The following GRM1 variants were observed in gnomAD, a reference collection of about 807,000 sequenced individuals.
GRM1 encodes metabotropic glutamate receptor 1.
GRM1 carries 33 observed loss-of-function variants against 90.9 expected under a neutral mutation model. The observed-to-expected ratio is 0.36, with a 90% confidence interval of 0.28 to 0.49. The LOEUF (loss-of-function observed/expected upper bound fraction) is 0.49, where lower values mean the gene tolerates loss of function less well. GRM1 is among the 20% of genes least tolerant of loss of function. The probability of loss-of-function intolerance (pLI) is 0.99; values close to 1 mark genes in which losing one functional copy is unlikely to be tolerated. For synonymous variants in GRM1, 700 were observed against 613.2 expected (o/e 1.14, Z -2.09); for missense variants, 1,190 against 1,534.3 (o/e 0.78, Z 3.75).
At position 146,231,805 on chromosome 6, in the gene GRM1, A is replaced by G. The variant is rs572013932; in HGVS notation, c.950+72208A>G. ...TATTATTATTTGTATATATTATTGG[A>G]TTTTTATTTGCTTATAATTTATTGA... On this transcript the variant is annotated intron_variant, in intron 2 of 7. Transcript: ENST00000282753. Among the ~76,000 whole-genome samples the G allele has an allele frequency of 3.9e-5, 6 of 152,004 alleles. No individual in the cohort carries two copies. The South Asian group carries it at 1.2e-3, about 32-fold the overall frequency.
chr6:146,221,337 C>G (rs901051873), intron 2 of GRM1, among the ~76,000 whole-genome samples: 28 of 152,072 alleles, frequency 1.8e-4, no homozygotes, highest in African/African-American at 6.5e-4. Flanking sequence ...TAATGCTCTC[C>G]CTCCCTTAGC....
rs78256227 is a variant in GRM1 at position 146,415,995 on chromosome 6, T to C, written c.2660+16296T>C. Among the ~76,000 whole-genome samples, 631 of 152,350 alleles carry C rather than the reference T, an allele frequency of 4.1e-3. 2 individuals are homozygous for C. Among genetic ancestry groups the C allele is most frequent in the African/African-American group, 0.014 (590 of 41,582 alleles). On this transcript the variant is annotated intron_variant, in intron 7 of 7. Coordinates refer to ENST00000282753, the MANE Select transcript of GRM1 (RefSeq NM_001278064.2). ...AAACAGGGTCTACTTTGTCTGACAT[T>C]AGTATAACTACTAGCTTTTATTTTT...
chr6:146,199,959 C>T (rs958938957), intron 2 of GRM1, among the ~76,000 whole-genome samples: 3 of 151,990 alleles, frequency 2.0e-5, no homozygotes, highest in Non-Finnish European at 2.9e-5. Flanking sequence ...GAAGATTCGG[C>T]GAGCCAAAAT....
At chr6:146,160,926 G>A (rs147504742) in intron 2 of GRM1, among the ~76,000 whole-genome samples, 305 of 152,238 alleles carry the variant, frequency 2.0e-3, no homozygotes, top group African/African-American at 6.3e-3. Flanking sequence ...TCAACTTGGC[G>A]TCTTCAACAT....
chr6:146,318,734 T>A (rs1784066696), intron 3 of GRM1, among the ~76,000 whole-genome samples: 1 of 152,240 alleles, frequency 6.6e-6, no homozygotes, highest in South Asian at 2.1e-4. Flanking sequence ...AGGTTTTGAT[T>A]TGCATTTCTC....
In GRM1 at chr6:146,286,447, G is replaced by A. The variant is rs551683825; in HGVS notation, c.951-18164G>A. 5.3e-5 allele frequency among the ~76,000 whole-genome samples: 8 copies of A among 152,184 alleles called. No individual in the cohort carries two copies. In the South Asian group the frequency reaches 8.3e-4, roughly 16 times the overall value. ...AAAGTTAATTGATTAGATTAGATTG[G>A]ATTTAGATAGATTGCTAAAATGTCA... On this transcript the variant is annotated intron_variant, in intron 2 of 7. Coordinates refer to ENST00000282753, the MANE Select transcript of GRM1 (RefSeq NM_001278064.2).
At chr6:146,255,151 G>A (rs538555333) in intron 2 of GRM1, among the ~76,000 whole-genome samples, 2 of 152,246 alleles carry the variant, frequency 1.3e-5, no homozygotes, top group African/African-American at 4.8e-5. Flanking sequence ...GATTCCTGAG[G>A]CTAAGCACAC....
intron 2 of GRM1, among the ~76,000 whole-genome samples, chr6:146,255,426 A>T (rs1487096153): frequency 6.6e-6 from 1 of 152,080 alleles, no homozygotes; most frequent in Non-Finnish European, 1.5e-5. Context: ...CCCCTATCCC[A>T]TTTCCTAGGA....
intron 1 of GRM1, among the ~76,000 whole-genome samples, chr6:146,111,169 G>T (rs759170595): frequency 7.2e-5 from 11 of 152,096 alleles, no homozygotes; most frequent in Non-Finnish European, 1.0e-4. Context: ...CAACAAAATG[G>T]CTCCAGGCTC....
At position 146,357,518 on chromosome 6, in the gene GRM1, C is replaced by T. The variant is rs770859697; in HGVS notation, c.1434-8C>T. On this transcript the variant is annotated splice_polypyrimidine_tract_variant and splice_region_variant and intron_variant, in intron 4 of 7. Coordinates refer to ENST00000282753, the MANE Select transcript of GRM1 (RefSeq NM_001278064.2). ...TTCTATAAGACATGCACATTGTGCT[C>T]TTTGTAGGTATGATATCATGAATCT... The T allele has an allele frequency of 1.9e-6, 3 of 1,607,932 alleles. No individual in the cohort carries two copies. The highest frequency in any genetic ancestry group is 2.6e-6 in the Non-Finnish European group (3 of 1,174,572).
intron 2 of GRM1, among the ~76,000 whole-genome samples, chr6:146,223,318 G>A (rs2114682212): frequency 6.6e-6 from 1 of 152,178 alleles, no homozygotes; most frequent in Admixed American, 6.5e-5. Flanking sequence ...TTCCATCTAA[G>A]CCATATTTAT....
intron 2 of GRM1, among the ~76,000 whole-genome samples, chr6:146,192,334 G>A (rs1310760090): frequency 1.3e-5 from 2 of 152,154 alleles, no homozygotes; most frequent in Admixed American, 6.6e-5. Context: ...CATACATGGA[G>A]GAAAATGTTA....
intron 1 of GRM1, among the ~76,000 whole-genome samples, chr6:146,062,789 A>G (rs751306165): frequency 3.3e-5 from 5 of 152,048 alleles, no homozygotes; most frequent in South Asian, 2.1e-4. Context: ...TTTGTCTACA[A>G]TCTGCTCTTA....
chr6:146,315,656 T>G (rs959399339), intron 3 of GRM1, among the ~76,000 whole-genome samples: 2 of 152,142 alleles, frequency 1.3e-5, no homozygotes, highest in Admixed American at 1.3e-4. Context: ...ATCAGAATCT[T>G]TGGAGTGAGG....
intron 2 of GRM1, among the ~76,000 whole-genome samples, chr6:146,295,480 ACCTCAG>A (rs1184686467): frequency 1.3e-5 from 2 of 151,338 alleles, no homozygotes; most frequent in Non-Finnish European, 2.9e-5. Context: ...TGATCTGCAC[ACCTCAG>A]CCTCCCAAAG....
intron 2 of GRM1, among the ~76,000 whole-genome samples, chr6:146,300,542 C>T (rs1342082319): frequency 1.3e-5 from 2 of 152,128 alleles, no homozygotes; most frequent in Admixed American, 1.3e-4. Flanking sequence ...TAAGAATTCT[C>T]GTATGTTAGT....
rs773032202 is a variant in GRM1, at chr6:146,434,459, G to A, written c.3248G>A (p.Ser1083Asn). Residue 1083 changes from serine (S) to asparagine (N), a missense_variant, in exon 8 of 8, where the codon AGC becomes AAC. Around this residue, in one of 10 missense-constraint regions of GRM1, gnomAD observed 400 missense variants for 360.8 expected, o/e 1.11. Transcript: ENST00000282753. Reference protein sequence around the residue: ...QHLQMLPLQLSTFGEELVSPP... With the variant: ...QHLQMLPLQLNTFGEELVSPP... ...CTGCAGATGCTGCCGCTGCAGCTGA[G>A]CACCTTTGGGGAGGAGCTGGTCTCC... 6 of 1,613,938 alleles carry A rather than the reference G, an allele frequency of 3.7e-6. No homozygotes were observed. In the East Asian group the frequency reaches 8.9e-5, roughly 24 times the overall value.
intron 1 of GRM1, among the ~76,000 whole-genome samples, chr6:146,031,932 A>G (rs1790722471): frequency 6.6e-6 from 1 of 152,204 alleles, no homozygotes; most frequent in Non-Finnish European, 1.5e-5. Flanking sequence ...TTGATTATTA[A>G]TATTGGAAGT....
intron 3 of GRM1, among the ~76,000 whole-genome samples, chr6:146,335,834 C>A (rs1784754506): frequency 1.3e-5 from 2 of 152,148 alleles, no homozygotes. Flanking sequence ...CCCATAATCC[C>A]CACGTGTCCA....
Sources: gnomAD v4.1 joint callset for allele counts (sites outside exome capture counted in the v4.1 genomes callset) on GRCh38, gnomAD v4.1.1 for gene constraint, gnomAD v4.1.1 regional missense constraint, MANE v1.5 for transcripts, NCBI Gene and HGNC (gene_info 2026-07-23, HGNC 2026-07-21) for gene names.